The following ZC3H12B variants were observed in gnomAD, a reference collection of about 807,000 sequenced individuals.
ZC3H12B encodes probable ribonuclease ZC3H12B.
In ZC3H12B, 7 loss-of-function variants were observed where a neutral mutation model predicts 43.9. That is an observed-to-expected ratio of 0.16 (90% CI 0.09 to 0.30). ZC3H12B has a LOEUF of 0.30. Ranked by LOEUF, ZC3H12B falls within the 10% of genes least tolerant of loss-of-function variation. The pLI is 1.00. For synonymous variants in ZC3H12B, 222 were observed against 241.7 expected, an observed-to-expected ratio of 0.92 and a Z score of 0.76; for missense variants, 475 against 670.2, an observed-to-expected ratio of 0.71 and a Z score of 3.22.
At chrX:65,496,419 T>A (rs1365508018) in intron 1 of ZC3H12B, among the ~76,000 whole-genome samples, 1 of 111,925 alleles carries the variant, frequency 8.9e-6, no homozygotes, top group Non-Finnish European at 1.9e-5. Flanking sequence ...ATACCTTTAC[T>A]TTTTTAATTT....
the ZC3H12B span, among the ~76,000 whole-genome samples, chrX:65,052,904 T>A: frequency 3.7e-4 from 41 of 112,083 alleles, no homozygotes; most frequent in African/African-American, 1.3e-3. Flanking sequence ...CATCAGTATA[T>A]AAGGGTTCAC....
At chrX:65,094,120 C>T in the ZC3H12B span, among the ~76,000 whole-genome samples, 76 of 110,222 alleles carry the variant, frequency 6.9e-4, no homozygotes, top group South Asian at 4.7e-3. Flanking sequence ...ACTCTTTCTC[C>T]TGCTCCAGCC....
the ZC3H12B span, among the ~76,000 whole-genome samples, chrX:65,080,880 G>T: frequency 9.0e-6 from 1 of 111,408 alleles, no homozygotes; most frequent in Non-Finnish European, 1.9e-5. Flanking sequence ...TAAGTAGAAA[G>T]ACTAAATGAT....
At chrX:65,503,042 G>A in exon 5 of ZC3H12B, 7 of 1,211,234 alleles carry the variant, frequency 5.8e-6, no homozygotes, top group Non-Finnish European at 7.8e-6. Context: ...AATGTGCAAT[G>A]ATTCCAGGGA....
the ZC3H12B span, among the ~76,000 whole-genome samples, chrX:65,303,795 G>A: frequency 8.9e-6 from 1 of 112,183 alleles, no homozygotes; most frequent in African/African-American, 3.2e-5. Flanking sequence ...GTTTACAATA[G>A]CATAAAAATT....
the ZC3H12B span, among the ~76,000 whole-genome samples, chrX:65,189,087 A>G: frequency 1.7e-3 from 177 of 102,676 alleles, 1 homozygote; most frequent in African/African-American, 6.1e-3. Context: ...GAGAATGATG[A>G]TTTCCAATTT....
chrX:65,188,761 G>A, the ZC3H12B span, among the ~76,000 whole-genome samples: 1 of 106,713 alleles, frequency 9.4e-6, no homozygotes, highest in Non-Finnish European at 1.9e-5. Flanking sequence ...TTCATATGCT[G>A]CAGTGTTGCT....
the ZC3H12B span, among the ~76,000 whole-genome samples, chrX:65,212,050 T>C: frequency 1.6e-5 from 1 of 63,583 alleles, no homozygotes; most frequent in Non-Finnish European, 2.6e-5. Flanking sequence ...GTATAATATA[T>C]AATATATATG....
At chrX:65,445,327 G>A (rs920859217) in intron 3 of ZC3H12B, among the ~76,000 whole-genome samples, 1 of 111,992 alleles carries the variant, frequency 8.9e-6, no homozygotes, top group African/African-American at 3.2e-5. Flanking sequence ...TTCAGCTTTG[G>A]TTTGTTTATT....
the ZC3H12B span, among the ~76,000 whole-genome samples, chrX:65,334,888 A>G: frequency 2.9e-4 from 32 of 111,561 alleles, no homozygotes; most frequent in African/African-American, 9.1e-4. Context: ...AAGCAACCCA[A>G]TCAGCCCATT....
At chrX:65,225,710 G>A in the ZC3H12B span, among the ~76,000 whole-genome samples, 10 of 112,213 alleles carry the variant, frequency 8.9e-5, no homozygotes, top group South Asian at 3.7e-4. Context: ...GCCAAGGCTC[G>A]AGAACTACAT....
intron 2 of ZC3H12B, among the ~76,000 whole-genome samples, chrX:65,382,016 C>G (rs1418008388): frequency 3.6e-5 from 4 of 111,888 alleles, no homozygotes; most frequent in African/African-American, 1.3e-4. Context: ...CCGATTCTAC[C>G]AGAGGTACAA....
the ZC3H12B span, among the ~76,000 whole-genome samples, chrX:65,114,001 A>G: frequency 3.7e-5 from 2 of 54,258 alleles, no homozygotes; most frequent in African/African-American, 8.5e-5. Context: ...ATATATATAT[A>G]TATATATATA....
At chrX:65,229,199 G>C in the ZC3H12B span, among the ~76,000 whole-genome samples, 3 of 110,752 alleles carry the variant, frequency 2.7e-5, no homozygotes, top group African/African-American at 9.9e-5. Context: ...TAGATCAATG[G>C]AACACAACAG....
intron 3 of ZC3H12B, among the ~76,000 whole-genome samples, chrX:65,458,523 T>A (rs1307531028): frequency 2.7e-5 from 3 of 111,956 alleles, no homozygotes; most frequent in African/African-American, 9.7e-5. Flanking sequence ...CAGACCACAG[T>A]GCAATCAAAC....
chrX:65,269,965 C>A, the ZC3H12B span, among the ~76,000 whole-genome samples: 1 of 111,613 alleles, frequency 9.0e-6, no homozygotes, highest in Non-Finnish European at 1.9e-5. Context: ...TTACCCAAAT[C>A]AATATGTAGA....
chrX:65,074,648 T>C, the ZC3H12B span, among the ~76,000 whole-genome samples: 1 of 112,154 alleles, frequency 8.9e-6, no homozygotes, highest in African/African-American at 3.2e-5. Context: ...TTAGACTTTC[T>C]GCACTTCTTT....
the ZC3H12B span, among the ~76,000 whole-genome samples, chrX:65,355,141 A>G: frequency 3.5e-4 from 39 of 111,061 alleles, no homozygotes; most frequent in Non-Finnish European, 6.8e-4. Flanking sequence ...GAGAAGAGCA[A>G]CCCCAAGACA....
At chrX:65,048,464 T>C in the ZC3H12B span, among the ~76,000 whole-genome samples, 6 of 111,584 alleles carry the variant, frequency 5.4e-5, no homozygotes, top group South Asian at 2.2e-3. Flanking sequence ...GGTAGTTATA[T>C]TTTTAATTTT....
Sources: gnomAD v4.1 joint callset for allele counts (sites outside exome capture counted in the v4.1 genomes callset) on GRCh38, gnomAD v4.1.1 for gene constraint, MANE v1.5 for transcripts, NCBI Gene and HGNC (gene_info 2026-07-23, HGNC 2026-07-21) for gene names.